The following UVRAG variants were observed in gnomAD, a reference collection of about 807,000 sequenced individuals.
The protein encoded by UVRAG is UV radiation resistance associated, also known as UV radiation resistance-associated gene protein.
In UVRAG, 19 loss-of-function variants were observed where a neutral mutation model predicts 78.0. The ratio of observed to expected loss-of-function variants is 0.24; its 90% CI spans 0.17 to 0.36. UVRAG has a LOEUF of 0.36. Among genes scored for constraint, UVRAG ranks in the 10% least tolerant of loss-of-function variants. UVRAG has a pLI of 1.00. For missense variants in UVRAG, 740 were observed against 853.8 expected (o/e 0.87, Z 1.66); for synonymous variants, 323 against 324.6 (o/e 1.00, Z 0.05).
At chr11:76,037,617 T>TG (rs577667585) in intron 12 of UVRAG, among the ~76,000 whole-genome samples, 78 of 139,712 alleles carry the variant, frequency 5.6e-4, no homozygotes, top group Non-Finnish European at 9.5e-4. Context: ...GAGGCTGAGG[T>TG]GGGAGAATCA....
chr11:75,877,059 C>T (rs1330398771), intron 3 of UVRAG, among the ~76,000 whole-genome samples: 1 of 151,324 alleles, frequency 6.6e-6, no homozygotes, highest in Non-Finnish European at 1.5e-5. Flanking sequence ...TCTTAACGAG[C>T]ATGCTGCCTT....
At chr11:76,062,949 A>T (rs1173367592) in intron 12 of UVRAG, among the ~76,000 whole-genome samples, 1 of 152,226 alleles carries the variant, frequency 6.6e-6, no homozygotes, top group Non-Finnish European at 1.5e-5. Flanking sequence ...AGTACAAAGT[A>T]GTTATCACTA....
intron 1 of UVRAG, among the ~76,000 whole-genome samples, chr11:75,844,823 G>A (rs1040148027): frequency 2.6e-5 from 4 of 151,834 alleles, no homozygotes; most frequent in African/African-American, 9.7e-5. Context: ...ACATTCATGT[G>A]CCACCATGCC....
At chr11:75,877,581 C>G (rs544674232) in intron 3 of UVRAG, among the ~76,000 whole-genome samples, 2 of 143,954 alleles carry the variant, frequency 1.4e-5, no homozygotes, top group Non-Finnish European at 3.1e-5. Flanking sequence ...ACCTCCCTCC[C>G]GTACGGGTCG....
chr11:76,132,338 G>A (rs183873628), intron 14 of UVRAG, among the ~76,000 whole-genome samples: 1 of 151,964 alleles, frequency 6.6e-6, no homozygotes, highest in Admixed American at 6.6e-5. Context: ...ATTCCACTGA[G>A]TTGTAGCTGT....
intron 4 of UVRAG, among the ~76,000 whole-genome samples, chr11:75,882,600 T>A (rs1293328477): frequency 6.6e-6 from 1 of 152,172 alleles, no homozygotes; most frequent in Non-Finnish European, 1.5e-5. Context: ...TATTTTTAAA[T>A]TTTTTACCTG....
intron 6 of UVRAG, among the ~76,000 whole-genome samples, chr11:75,922,800 T>C (rs1278433085): frequency 6.6e-6 from 1 of 151,692 alleles, no homozygotes; most frequent in African/African-American, 2.4e-5. Flanking sequence ...ATACAAAAAT[T>C]AGCTGGGCGT....
intron 13 of UVRAG, among the ~76,000 whole-genome samples, chr11:76,082,356 C>T (rs532337962): frequency 1.2e-3 from 175 of 151,740 alleles, no homozygotes; most frequent in Middle Eastern, 3.4e-3. Context: ...CTGGCTAACA[C>T]GGTGAAACCC....
At chr11:75,930,947 CTTT>C (rs1948224113) in intron 6 of UVRAG, 5 of 146,720 alleles carry the variant, frequency 3.4e-5, no homozygotes, top group African/African-American at 7.8e-5. Flanking sequence ...TTCTTTCTTT[CTTT>C]CTTTCTTTCT....
intron 8 of UVRAG, among the ~76,000 whole-genome samples, chr11:75,989,469 A>G (rs1022191489): frequency 6.6e-6 from 1 of 152,202 alleles, no homozygotes; most frequent in Non-Finnish European, 1.5e-5. Context: ...CTCAGGAATC[A>G]TTATACTAGG....
chr11:76,071,438 A>G (rs1951306877), intron 13 of UVRAG, among the ~76,000 whole-genome samples: 2 of 152,190 alleles, frequency 1.3e-5, no homozygotes, highest in South Asian at 4.1e-4. Flanking sequence ...CAGGGAGCAT[A>G]GCACATAAAA....
intron 12 of UVRAG, among the ~76,000 whole-genome samples, chr11:76,061,393 C>T (rs934393009): frequency 2.0e-5 from 3 of 152,178 alleles, no homozygotes; most frequent in African/African-American, 7.2e-5. Flanking sequence ...ATGCAGGCTG[C>T]AGGCACCAGC....
intron 13 of UVRAG, among the ~76,000 whole-genome samples, chr11:76,113,885 G>GT (rs1271200530): frequency 6.6e-6 from 1 of 152,020 alleles, no homozygotes; most frequent in African/African-American, 2.4e-5. Context: ...CAAATGGAGA[G>GT]TTAAGACCCA....
chr11:75,977,817 C>A (rs1448981180), intron 7 of UVRAG, among the ~76,000 whole-genome samples: 1 of 151,920 alleles, frequency 6.6e-6, no homozygotes, highest in Non-Finnish European at 1.5e-5. Flanking sequence ...GGTCTTGACT[C>A]CATCCTATTT....
intron 9 of UVRAG, 30 bp downstream of exon 9, chr11:76,004,119 A>G: frequency 6.2e-7 from 1 of 1,602,870 alleles, no homozygotes; most frequent in African/African-American, 1.3e-5. Flanking sequence ...AATTGCTGTG[A>G]GTGTGGAGTT....
chr11:75,933,181 TA>T (rs1016678119), intron 6 of UVRAG, among the ~76,000 whole-genome samples: 1 of 152,036 alleles, frequency 6.6e-6, no homozygotes, highest in Non-Finnish European at 1.5e-5. Context: ...TGGAACAGAA[TA>T]AAGAACGCAG....
At chr11:75,852,724 G>T (rs1249796042) in intron 2 of UVRAG, among the ~76,000 whole-genome samples, 1 of 152,090 alleles carries the variant, frequency 6.6e-6, no homozygotes, top group Non-Finnish European at 1.5e-5. Flanking sequence ...CTCCCCATTT[G>T]TAAAGTAGAG....
chr11:76,041,604 A>G lies in UVRAG; in HGVS notation c.1227-24106A>G, dbSNP rs370129010. ...CCATGCCAGTGTAGTGGCTGCTGCC[A>G]TGGCCAGTTATTATCTTTGGAAGAC... On this transcript the variant is annotated intron_variant, in intron 12 of 14. Transcript: ENST00000356136. Among the ~76,000 whole-genome samples the G allele has an allele frequency of 5.9e-5, 9 of 152,352 alleles. No homozygotes were observed. In the South Asian group the frequency reaches 6.2e-4, roughly 11 times the overall value.
intron 1 of UVRAG, among the ~76,000 whole-genome samples, chr11:75,841,329 A>G (rs1945902834): frequency 6.6e-6 from 1 of 152,252 alleles, no homozygotes; most frequent in Non-Finnish European, 1.5e-5. Context: ...TGTAACAACC[A>G]ATAAGCTAAG....
Sources: gnomAD v4.1 joint callset for allele counts (sites outside exome capture counted in the v4.1 genomes callset) on GRCh38, gnomAD v4.1.1 for gene constraint, MANE v1.5 for transcripts, NCBI Gene and HGNC (gene_info 2026-07-23, HGNC 2026-07-21) for gene names.